CCDC141: variants seen among roughly 807,000 people sequenced by gnomAD.
CCDC141 encodes coiled-coil domain-containing protein 141.
CCDC141 carries 168 observed loss-of-function variants against 181.0 expected under a neutral mutation model. That is an observed-to-expected ratio of 0.93 (90% CI 0.82 to 1.05). The LOEUF (loss-of-function observed/expected upper bound fraction) is 1.05, where lower values mean the gene tolerates loss of function less well. CCDC141 is among the 50% of genes least tolerant of loss of function. The probability of loss-of-function intolerance (pLI) is 0.00; values close to 1 mark genes in which losing one functional copy is unlikely to be tolerated. For synonymous variants in CCDC141, 666 were observed against 642.3 expected, an observed-to-expected ratio of 1.04 and a Z score of -0.56; for missense variants, 1,902 against 1,788.5, an observed-to-expected ratio of 1.06 and a Z score of -1.14.
chr2:178,997,077 T>C (rs551010057), intron 2 of CCDC141, among the ~76,000 whole-genome samples: 2 of 152,326 alleles, frequency 1.3e-5, no homozygotes, highest in African/African-American at 4.8e-5. Context: ...AGTTAAAGTG[T>C]GCCTCCTATG....
chr2:178,980,213 A>C (rs1465188231), intron 2 of CCDC141, among the ~76,000 whole-genome samples: 1 of 152,122 alleles, frequency 6.6e-6, no homozygotes, highest in Non-Finnish European at 1.5e-5. Flanking sequence ...ACGCTGGGAG[A>C]CCGAGGCGGG....
intron 11 of CCDC141, among the ~76,000 whole-genome samples, chr2:178,879,842 A>G (rs1411504052): frequency 6.6e-6 from 1 of 152,246 alleles, no homozygotes; most frequent in Non-Finnish European, 1.5e-5. Context: ...AGTGTGAAAC[A>G]CTAGCTGTGA....
intron 8 of CCDC141, among the ~76,000 whole-genome samples, chr2:178,896,269 G>A (rs1336587259): frequency 2.6e-5 from 4 of 152,142 alleles, no homozygotes; most frequent in Non-Finnish European, 5.9e-5. Flanking sequence ...GGCCTGTCTT[G>A]ATCTCAGACT....
At chr2:179,016,263 G>A (rs1314640254) in intron 2 of CCDC141, among the ~76,000 whole-genome samples, 1 of 151,612 alleles carries the variant, frequency 6.6e-6, no homozygotes, top group Middle Eastern at 3.2e-3. Context: ...TCGGGTTATG[G>A]GTGCACCAAA....
At chr2:178,918,299 G>A (rs988645771) in intron 7 of CCDC141, among the ~76,000 whole-genome samples, 5 of 151,946 alleles carry the variant, frequency 3.3e-5, no homozygotes, top group Admixed American at 2.0e-4. Context: ...TTCCAGCTAC[G>A]TGGGAGGCTG....
At chr2:178,851,552 A>G (rs139421462) in intron 20 of CCDC141, among the ~76,000 whole-genome samples, 1,655 of 152,338 alleles carry the variant, frequency 0.011, 36 homozygotes, top group African/African-American at 0.037. Context: ...GTGAAGAGGC[A>G]GCAAGGGATC....
In CCDC141 at chr2:178,909,252, T is replaced by C. The variant is rs535025464; in HGVS notation, c.1093-3751A>G. 5.9e-5 allele frequency among the ~76,000 whole-genome samples: 9 copies of C among 152,316 alleles called. No individual in the cohort carries two copies. In the South Asian group the frequency reaches 1.5e-3, roughly 25 times the overall value. ...ATATATCAAGGACAAAGATAGCCCA[T>C]AATGAGAATCAAAATAGTCAAATTA... On this transcript the variant is annotated intron_variant, in intron 7 of 23. Coordinates refer to ENST00000443758, the MANE Select transcript of CCDC141 (RefSeq NM_173648.4).
chr2:178,989,806 A>G (rs1325875375), intron 2 of CCDC141, among the ~76,000 whole-genome samples: 2 of 134,442 alleles, frequency 1.5e-5, no homozygotes, highest in Non-Finnish European at 3.1e-5. Context: ...GTCACTTCAC[A>G]CCCACTAGGA....
chr2:178,927,859 G>A (rs546046169), intron 6 of CCDC141, among the ~76,000 whole-genome samples: 2 of 152,274 alleles, frequency 1.3e-5, no homozygotes, highest in African/African-American at 4.8e-5. Context: ...CAAAAAGTCT[G>A]GGCACCGAAG....
intron 5 of CCDC141, 39 bp from the exon 6 acceptor site, chr2:178,944,690 G>C: frequency 1.0e-6 from 1 of 963,954 alleles, no homozygotes; most frequent in Non-Finnish European, 1.5e-6. Context: ...AAATTCAAAT[G>C]ATCAGAATAA....
At chr2:179,032,531 A>G (rs2043029147) in intron 2 of CCDC141, among the ~76,000 whole-genome samples, 1 of 152,208 alleles carries the variant, frequency 6.6e-6, no homozygotes. Context: ...TGGTACGTAT[A>G]TCAGGGTGTC....
chr2:179,030,733 T>G (rs948827767), intron 2 of CCDC141, among the ~76,000 whole-genome samples: 22 of 152,096 alleles, frequency 1.4e-4, no homozygotes, highest in Admixed American at 2.6e-4. Context: ...ATACCTATTT[T>G]TGAAAATATG....
intron 5 of CCDC141, among the ~76,000 whole-genome samples, chr2:178,959,587 G>A (rs979613050): frequency 1.3e-5 from 2 of 152,156 alleles, no homozygotes; most frequent in Non-Finnish European, 2.9e-5. Flanking sequence ...TGCATTGGAC[G>A]ATAATGCTTT....
chr2:178,871,305 G>A, intron 14 of CCDC141, 122 bp downstream of exon 14: 1 of 1,160,672 alleles, frequency 8.6e-7, no homozygotes, highest in Non-Finnish European at 1.2e-6. Context: ...TTTTAGACAA[G>A]CAATACTTTT....
chr2:179,026,565 T>C (rs1017565991), intron 2 of CCDC141, among the ~76,000 whole-genome samples: 4 of 152,204 alleles, frequency 2.6e-5, no homozygotes, highest in Non-Finnish European at 5.9e-5. Flanking sequence ...GCTAGGGCAG[T>C]GCAGAAGGGA....
At chr2:178,881,915 T>TCTCTCACACA (rs1465946696) in intron 11 of CCDC141, among the ~76,000 whole-genome samples, 5 of 92,286 alleles carry the variant, frequency 5.4e-5, no homozygotes, top group African/African-American at 1.2e-4. Context: ...TCTCTCTCTC[T>TCTCTCACACA]CACACACACA....
chr2:178,884,949 T>A lies in CCDC141; in HGVS notation c.1671A>T (p.Arg557Ser). 6.4e-7 allele frequency: 1 copy of A among 1,550,454 alleles called. No homozygotes were observed. The highest frequency in any genetic ancestry group is 8.7e-7 in the Non-Finnish European group (1 of 1,146,870). Residue 557 changes from arginine (R) to serine (S), a missense_variant, in exon 11 of 24, where the codon AGA (arginine) becomes AGT (serine). By Grantham distance (110) the Arg-to-Ser change is moderately radical. Transcript: ENST00000443758. Reference sequence around the variant, plus strand: ...CCACGTAAGTTTGCAGGACTTGCGATCTATAGTCAATGCTTTGGCCAAATA... The same window carrying A: ...CCACGTAAGTTTGCAGGACTTGCGAACTATAGTCAATGCTTTGGCCAAATA... ...LNLFGQSIDY[R>S]SQVLQTYVAF... is the part of the protein sequence containing the mutation.
At chr2:179,014,512 A>G (rs952535558) in intron 2 of CCDC141, among the ~76,000 whole-genome samples, 10 of 152,252 alleles carry the variant, frequency 6.6e-5, no homozygotes, top group African/African-American at 2.2e-4. Context: ...AAATCTTCAC[A>G]ATCTATACAT....
intron 10 of CCDC141, among the ~76,000 whole-genome samples, chr2:178,885,609 C>T (rs1369911241): frequency 6.6e-6 from 1 of 152,040 alleles, no homozygotes; most frequent in Non-Finnish European, 1.5e-5. Flanking sequence ...GCCTAAATAA[C>T]CTAAAAAATC....
Sources: gnomAD v4.1 joint callset for allele counts (sites outside exome capture counted in the v4.1 genomes callset) on GRCh38, gnomAD v4.1.1 for gene constraint, MANE v1.5 for transcripts, NCBI Gene and HGNC (gene_info 2026-07-23, HGNC 2026-07-21) for gene names.